SESN2: variants seen among roughly 807,000 people sequenced by gnomAD.
SESN2 encodes sestrin-2.
Under a neutral mutation model 56.0 loss-of-function variants are expected in SESN2, and 42 were observed. That is an observed-to-expected ratio of 0.75 (90% CI 0.59 to 0.97). SESN2 has a LOEUF of 0.97. SESN2 is among the 50% of genes least tolerant of loss of function. The probability of loss-of-function intolerance (pLI) is 0.00; values close to 1 mark genes in which losing one functional copy is unlikely to be tolerated. For synonymous variants in SESN2, 264 were observed against 267.1 expected, an observed-to-expected ratio of 0.99 and a Z score of 0.11; for missense variants, 507 against 649.4, an observed-to-expected ratio of 0.78 and a Z score of 2.38.
chr1:28,270,316 A>T (rs1205676402), intron 2 of SESN2, among the ~76,000 whole-genome samples: 1 of 150,888 alleles, frequency 6.6e-6, no homozygotes, highest in Non-Finnish European at 1.5e-5. Flanking sequence ...GCGCCACTGC[A>T]CTCCAGCTTG....
chr1:28,273,618 T>TC (rs1647880715), intron 6 of SESN2, 110 bp downstream of exon 6: 1 of 1,082,214 alleles, frequency 9.2e-7, no homozygotes, highest in Non-Finnish European at 1.3e-6. Flanking sequence ...CAACCTCCCG[T>TC]CCAAGAGGTT....
intron 9 of SESN2, 55 bp from the exon 10 acceptor site, chr1:28,280,661 G>A: frequency 7.4e-7 from 1 of 1,358,182 alleles, no homozygotes; most frequent in Non-Finnish European, 1.1e-6. Flanking sequence ...GTCTGGGAGG[G>A]GTGTGGGGGT....
chr1:28,273,611 C>T (rs1647879610), intron 6 of SESN2, 103 bp downstream of exon 6: 2 of 1,164,632 alleles, frequency 1.7e-6, no homozygotes, highest in Non-Finnish European at 2.4e-6. Flanking sequence ...CACTTCTCAA[C>T]CTCCCGTCCA....
At chr1:28,275,579 C>T (rs1196500373) in intron 8 of SESN2, among the ~76,000 whole-genome samples, 1 of 150,122 alleles carries the variant, frequency 6.7e-6, no homozygotes, top group Non-Finnish European at 1.5e-5. Flanking sequence ...ATGGTGAAAC[C>T]CCGTTCTACT....
At chr1:28,275,296 TACACAC>T (rs71586836) in intron 8 of SESN2, among the ~76,000 whole-genome samples, 4,012 of 149,652 alleles carry the variant, frequency 0.027, 165 homozygotes, top group African/African-American at 0.09. Flanking sequence ...TATACATGCA[TACACAC>T]ACACACACAC....
intron 1 of SESN2, among the ~76,000 whole-genome samples, chr1:28,263,700 T>A (rs1385096422): frequency 6.6e-6 from 1 of 152,058 alleles, no homozygotes; most frequent in African/African-American, 2.4e-5. Context: ...TCTCCAAGGC[T>A]GGGGCTGCTT....
chr1:28,274,750 A>T, intron 7 of SESN2, 75 bp from the exon 8 acceptor site: 1 of 1,155,780 alleles, frequency 8.7e-7, no homozygotes, highest in Admixed American at 2.1e-5. Context: ...TGGAGATCCC[A>T]GGTCCAGAGG....
rs1183598144 is a variant in SESN2, at chr1:28,272,663, TCTC to T, written c.626_628del (p.Ser209del). ...GTCCTGCTCACCCACTGCCACTCGCTCTCCTCCTTCGTGTTTGGCTGTGGCATC... is the reference window on the plus strand; with the variant it reads ...GTCCTGCTCACCCACTGCCACTCGCTCTCCTTCGTGTTTGGCTGTGGCATC... On this transcript the variant is annotated inframe_deletion, in exon 5 of 10. Coordinates refer to ENST00000253063, the MANE Select transcript of SESN2 (RefSeq NM_031459.5). 18 of 1,614,030 alleles carry T rather than the reference TCTC, an allele frequency of 1.1e-5. No homozygotes were observed. The highest frequency in any genetic ancestry group is 2.2e-5 in the South Asian group (2 of 91,078).
chr1:28,262,376 C>G (rs12138649), intron 1 of SESN2, among the ~76,000 whole-genome samples: 1 of 152,280 alleles, frequency 6.6e-6, no homozygotes, highest in East Asian at 1.9e-4. Context: ...GATGCAGTGG[C>G]TCATGCCTGT....
intron 7 of SESN2, 56 bp from the exon 8 acceptor site, chr1:28,274,767 GTC>G: frequency 7.6e-7 from 1 of 1,321,166 alleles, no homozygotes; most frequent in South Asian, 1.3e-5. Context: ...GAGGATGGGG[GTC>G]TCTCTGGCTG....
At position 28,274,908 on chromosome 1, in the gene SESN2, G is replaced by A; in HGVS notation, c.1104G>A (p.Gln368=). 1 of 1,614,190 alleles carries A rather than the reference G, an allele frequency of 6.2e-7. No homozygotes were observed. Among genetic ancestry groups the A allele is most frequent in the South Asian group, 1.1e-5 (1 of 91,084 alleles). Residue 368 remains glutamine, a synonymous_variant, in exon 8 of 10, where the codon CAG becomes CAA. Transcript: ENST00000253063. ...EGGQLLDEKF[Q]AAYSLTYNTI... ...GGCAGCTGCTGGATGAGAAGTTCCA[G>A]GCAGCCTATAGCCTCACCTACAATA... is the stretch of plus-strand genomic sequence containing the variant.
At chr1:28,276,316 C>CA (rs1282185062) in intron 8 of SESN2, among the ~76,000 whole-genome samples, 2 of 151,516 alleles carry the variant, frequency 1.3e-5, no homozygotes, top group South Asian at 2.1e-4. Context: ...CCCATCTCTA[C>CA]AAAAAAATAA....
In SESN2 at chr1:28,272,389, G is replaced by A. The variant is rs753794131; in HGVS notation, c.460G>A (p.Glu154Lys). ...GCTGCTGGGCCTCCACCGGGCCCCC[G>A]AGAAGCTGCGCAAACTCAGCGAGAT... Reference protein sequence around the residue: ...EWLLGLHRAPEKLRKLSEINK... With the variant: ...EWLLGLHRAPKKLRKLSEINK... The change falls in exon 4 of 10, where the codon GAG (glutamate) becomes AAG (lysine). Residue 154 changes from glutamate to lysine, a missense_variant. Coordinates refer to ENST00000253063, the MANE Select transcript of SESN2 (RefSeq NM_031459.5). 8 of 1,613,546 alleles carry A rather than the reference G, an allele frequency of 5.0e-6. No individual in the cohort carries two copies. Among genetic ancestry groups the A allele is most frequent in the Admixed American group, 1.7e-5 (1 of 60,012 alleles).
chr1:28,275,045 G>C (rs1042455846), intron 8 of SESN2, 30 bp downstream of exon 8: 2 of 1,531,688 alleles, frequency 1.3e-6, no homozygotes, highest in Middle Eastern at 1.7e-4. Context: ...TTTGGGGCAT[G>C]TGTGCACTGT....
chr1:28,275,313 ACACAC>A (rs1193009826), intron 8 of SESN2, among the ~76,000 whole-genome samples: 1 of 147,670 alleles, frequency 6.8e-6, no homozygotes, highest in Admixed American at 6.8e-5. Flanking sequence ...ACACACACAC[ACACAC>A]TATATATATA....
intron 1 of SESN2, among the ~76,000 whole-genome samples, chr1:28,265,320 A>T (rs1647518417): frequency 1.3e-5 from 2 of 152,094 alleles, no homozygotes. Flanking sequence ...ATTCAAATCT[A>T]CTTGGTTTTG....
intron 2 of SESN2, 80 bp downstream of exon 2, chr1:28,269,328 G>T: frequency 2.2e-6 from 2 of 927,374 alleles, no homozygotes; most frequent in Non-Finnish European, 3.3e-6. Flanking sequence ...ATCTTTTCCT[G>T]TTCTTTAAAT....
intron 2 of SESN2, among the ~76,000 whole-genome samples, chr1:28,271,177 A>G (rs1647759753): frequency 6.6e-6 from 1 of 152,194 alleles, no homozygotes; most frequent in Non-Finnish European, 1.5e-5. Flanking sequence ...TCACAGGCTT[A>G]TTGGCTAGAT....
chr1:28,274,304 G>A, intron 7 of SESN2, 146 bp downstream of exon 7: 1 of 647,044 alleles, frequency 1.5e-6, no homozygotes, highest in Admixed American at 2.4e-5. Flanking sequence ...AGCCAAGGTG[G>A]GAGGATTGCT....
Sources: gnomAD v4.1 joint callset for allele counts (sites outside exome capture counted in the v4.1 genomes callset) on GRCh38, gnomAD v4.1.1 for gene constraint, MANE v1.5 for transcripts, NCBI Gene and HGNC (gene_info 2026-07-23, HGNC 2026-07-21) for gene names.